ATL1: variants seen among roughly 807,000 people sequenced by gnomAD.
ATL1 encodes the protein atlastin-1.
ATL1 carries 31 observed loss-of-function variants against 75.5 expected under a neutral mutation model. That is an observed-to-expected ratio of 0.41 (90% CI 0.31 to 0.55). The LOEUF (loss-of-function observed/expected upper bound fraction) is 0.55, where lower values mean the gene tolerates loss of function less well. ATL1 is among the 20% of genes least tolerant of loss of function. The pLI, the probability that ATL1 is intolerant of heterozygous loss-of-function variation, is 0.27. For missense variants in ATL1, 405 were observed against 662.6 expected (o/e 0.61, Z 4.27); for synonymous variants, 226 against 233.3 (o/e 0.97, Z 0.28).
At chr14:50,544,193 C>T (rs1275412528) in intron 1 of ATL1, among the ~76,000 whole-genome samples, 3 of 152,232 alleles carry the variant, frequency 2.0e-5, no homozygotes, top group Non-Finnish European at 4.4e-5. Context: ...GACTTGGATC[C>T]TCTGAGACTA....
chr14:50,569,216 C>G (rs575095716), intron 1 of ATL1, among the ~76,000 whole-genome samples: 1 of 151,732 alleles, frequency 6.6e-6, no homozygotes, highest in Admixed American at 6.6e-5. Context: ...AAAAATTATC[C>G]AGGTGTGGTG....
intron 1 of ATL1, among the ~76,000 whole-genome samples, chr14:50,539,889 G>T (rs2038539119): frequency 6.6e-6 from 1 of 152,104 alleles, no homozygotes. Context: ...TACTGTAGAA[G>T]AAAGAATCTC....
intron 6 of ATL1, among the ~76,000 whole-genome samples, chr14:50,597,622 A>G (rs904535201): frequency 1.3e-5 from 2 of 152,198 alleles, no homozygotes; most frequent in African/African-American, 4.8e-5. Flanking sequence ...GCATATATAT[A>G]TATGTTACAT....
intron 1 of ATL1, among the ~76,000 whole-genome samples, chr14:50,568,916 T>A (rs2038929616): frequency 1.3e-5 from 2 of 152,196 alleles, no homozygotes; most frequent in Non-Finnish European, 2.9e-5. Context: ...TAATTTGAAT[T>A]TATACTAGTT....
At chr14:50,574,763 T>C (rs2038985065) in intron 1 of ATL1, among the ~76,000 whole-genome samples, 1 of 151,758 alleles carries the variant, frequency 6.6e-6, no homozygotes, top group African/African-American at 2.4e-5. Flanking sequence ...ATTTACAGTA[T>C]CCTACAGTTA....
chr14:50,590,436 A>G (rs1418245540), intron 2 of ATL1, among the ~76,000 whole-genome samples: 1 of 151,918 alleles, frequency 6.6e-6, no homozygotes, highest in Non-Finnish European at 1.5e-5. Context: ...AAAGCATAAT[A>G]TGCTCCCTAC....
At chr14:50,629,582 CCA>C (rs1566736290) in intron 12 of ATL1, among the ~76,000 whole-genome samples, 4 of 138,144 alleles carry the variant, frequency 2.9e-5, no homozygotes, top group Non-Finnish European at 3.1e-5. Flanking sequence ...GCTCCATCTC[CCA>C]AAAAAAAAAA....
chr14:50,625,826 C>T (rs533307449), intron 11 of ATL1, among the ~76,000 whole-genome samples: 16 of 150,914 alleles, frequency 1.1e-4, no homozygotes, highest in Non-Finnish European at 1.9e-4. Context: ...AGGAGAAGGG[C>T]GTGAACCCAA....
chr14:50,562,246 A>T (rs1026789297), intron 1 of ATL1, among the ~76,000 whole-genome samples: 2 of 152,022 alleles, frequency 1.3e-5, no homozygotes, highest in Admixed American at 1.3e-4. Context: ...GAGTTTCACC[A>T]TGTTAGCCAG....
At position 50,560,270 on chromosome 14, in the gene ATL1, C is replaced by T; in HGVS notation, c.5C>T (p.Ala2Val). Residue 2 changes from alanine to valine, a missense_variant, in exon 1 of 14, where the codon GCC becomes GTC. By Grantham distance (64) the Ala-to-Val change is moderately conservative. Coordinates refer to ENST00000358385, the MANE Select transcript of ATL1 (RefSeq NM_015915.5). Reference protein sequence around the residue: MAKNRRDRNSWG... With the variant: MVKNRRDRNSWG... ...GCCACCAGCTCCTGGACCACCATGG[C>T]CAAGAACCGCAGGGACAGAAACAGT... is the stretch of plus-strand genomic sequence containing the variant. The T allele has an allele frequency of 6.2e-7, 1 of 1,613,970 alleles. No individual in the cohort carries two copies. The highest frequency in any genetic ancestry group is 8.5e-7 in the Non-Finnish European group (1 of 1,179,882).
At chr14:50,603,592 T>C (rs1032687478) in intron 6 of ATL1, among the ~76,000 whole-genome samples, 7 of 152,204 alleles carry the variant, frequency 4.6e-5, no homozygotes, top group Non-Finnish European at 1.0e-4. Flanking sequence ...TTTACTCTAG[T>C]TTGCTTAATT....
intron 1 of ATL1, among the ~76,000 whole-genome samples, chr14:50,581,704 T>A (rs1410573437): frequency 1.5e-4 from 23 of 152,234 alleles, no homozygotes; most frequent in Non-Finnish European, 2.9e-5. Context: ...TGTAATTCTT[T>A]GAAGTTTATT....
intron 1 of ATL1, among the ~76,000 whole-genome samples, chr14:50,544,368 G>C (rs1253068523): frequency 2.0e-5 from 3 of 152,144 alleles, no homozygotes; most frequent in African/African-American, 2.4e-5. Flanking sequence ...TGTCCATCAG[G>C]GGAGACTGAG....
At chr14:50,579,071 AT>A (rs1304804392) in intron 1 of ATL1, among the ~76,000 whole-genome samples, 1 of 152,094 alleles carries the variant, frequency 6.6e-6, no homozygotes, top group African/African-American at 2.4e-5. Flanking sequence ...GTATGGAGTC[AT>A]TTAATATTGT....
At chr14:50,579,335 CTGTT>C (rs1283381689) in intron 1 of ATL1, among the ~76,000 whole-genome samples, 2 of 152,092 alleles carry the variant, frequency 1.3e-5, no homozygotes, top group Non-Finnish European at 2.9e-5. Context: ...TTCTATTGGT[CTGTT>C]TGTTTATACT....
intron 2 of ATL1, 24 bp from the exon 3 acceptor site, chr14:50,590,917 A>T (rs775694786): frequency 6.2e-7 from 1 of 1,611,496 alleles, no homozygotes; most frequent in Non-Finnish European, 8.5e-7. Flanking sequence ...CAAGTTCCAT[A>T]TCATAGACTT....
At chr14:50,610,034 G>A (rs1244615785) in intron 6 of ATL1, among the ~76,000 whole-genome samples, 2 of 151,598 alleles carry the variant, frequency 1.3e-5, no homozygotes, top group African/African-American at 4.8e-5. Flanking sequence ...CACAGATTAT[G>A]TAAGCTTCAG....
intron 1 of ATL1, among the ~76,000 whole-genome samples, chr14:50,545,513 A>T (rs1321099944): frequency 6.6e-6 from 1 of 152,202 alleles, no homozygotes; most frequent in Admixed American, 6.5e-5. Flanking sequence ...GCTTGAGTAC[A>T]GGGATGCTTA....
At chr14:50,629,246 C>T (rs2039553702) in intron 12 of ATL1, among the ~76,000 whole-genome samples, 1 of 152,106 alleles carries the variant, frequency 6.6e-6, no homozygotes, top group African/African-American at 2.4e-5. Context: ...TGTCTCTGTA[C>T]CTGTAGGCAG....
Sources: gnomAD v4.1 joint callset for allele counts (sites outside exome capture counted in the v4.1 genomes callset) on GRCh38, gnomAD v4.1.1 for gene constraint, MANE v1.5 for transcripts, NCBI Gene and HGNC (gene_info 2026-07-23, HGNC 2026-07-21) for gene names.